The following STK3 variants were observed in gnomAD, a reference collection of about 807,000 sequenced individuals.
The protein encoded by STK3 is serine/threonine-protein kinase 3.
A neutral mutation model predicts 58.0 loss-of-function variants in STK3; 41 were observed. The ratio of observed to expected loss-of-function variants is 0.71; its 90% confidence interval spans 0.55 to 0.92. STK3 has a LOEUF of 0.92. Ranked by LOEUF, STK3 falls within the 40% of genes least tolerant of loss-of-function variation. The pLI is 0.00. For synonymous variants in STK3, 170 were observed against 191.0 expected (o/e 0.89, Z 0.91); for missense variants, 479 against 602.7 (o/e 0.79, Z 2.15).
At chr8:98,733,603 T>C (rs2131261029) in intron 4 of STK3, among the ~76,000 whole-genome samples, 1 of 152,344 alleles carries the variant, frequency 6.6e-6, no homozygotes, top group East Asian at 1.9e-4. Context: ...CGAGGACCAC[T>C]GTGCTAACGG....
chr8:98,634,280 A>G (rs1819470859), intron 6 of STK3, among the ~76,000 whole-genome samples: 1 of 152,182 alleles, frequency 6.6e-6, no homozygotes, highest in African/African-American at 2.4e-5. Flanking sequence ...TGAGTCCAGG[A>G]GTTTGAGAAC....
At chr8:98,615,197 G>T (rs1817590640) in intron 6 of STK3, among the ~76,000 whole-genome samples, 1 of 151,622 alleles carries the variant, frequency 6.6e-6, no homozygotes, top group African/African-American at 2.4e-5. Context: ...CCTAGCAGGG[G>T]CACACTGACA....
At chr8:98,893,597 A>T (rs2131933886) in intron 1 of STK3, among the ~76,000 whole-genome samples, 1 of 152,054 alleles carries the variant, frequency 6.6e-6, no homozygotes, top group Non-Finnish European at 1.5e-5. Flanking sequence ...AAAGAAGGAA[A>T]GGAAAGGAAA....
chr8:98,516,913 T>C (rs1177861913), intron 10 of STK3, among the ~76,000 whole-genome samples: 1 of 152,026 alleles, frequency 6.6e-6, no homozygotes, highest in African/African-American at 2.4e-5. Context: ...CAAATTAAGA[T>C]AGAGAGTTAA....
chr8:98,768,340 T>C (rs1024452516), intron 2 of STK3, among the ~76,000 whole-genome samples: 2 of 152,192 alleles, frequency 1.3e-5, no homozygotes, highest in Non-Finnish European at 2.9e-5. Context: ...AGCAAGCCAA[T>C]GGAAAACATC....
chr8:98,434,531 C>G lies in STK3; in HGVS notation n.292-213G>C, dbSNP rs76612371. Among the ~76,000 whole-genome samples, 840 of 152,336 alleles carry G rather than the reference C, an allele frequency of 5.5e-3. 10 individuals are homozygous for G. Among genetic ancestry groups the G allele is most frequent in the Non-Finnish European group, 6.8e-3 (462 of 68,034 alleles). On this transcript the variant is annotated intron_variant and non_coding_transcript_variant, in intron 2 of 3. Transcript: ENST00000517832. ...GTTACATCCGGTCAATGGTGCAGGT[C>G]TGAAACTCTGCAACATTTTCCTCCT...
chr8:98,705,631 T>C (rs1825912084), intron 6 of STK3, among the ~76,000 whole-genome samples: 1 of 152,140 alleles, frequency 6.6e-6, no homozygotes, highest in African/African-American at 2.4e-5. Context: ...TTCACATTCC[T>C]CCAGCCACCA....
intron 6 of STK3, among the ~76,000 whole-genome samples, chr8:98,617,395 T>G (rs1405843617): frequency 7.4e-6 from 1 of 134,664 alleles, no homozygotes; most frequent in Non-Finnish European, 1.6e-5. Context: ...ACATCACAAT[T>G]AAAAGAACTA....
intron 4 of STK3, among the ~76,000 whole-genome samples, chr8:98,725,469 C>T (rs1330716043): frequency 6.6e-6 from 1 of 152,078 alleles, no homozygotes; most frequent in Non-Finnish European, 1.5e-5. Flanking sequence ...TAAAAGTACA[C>T]TCTAGTTAAA....
intron 9 of STK3, among the ~76,000 whole-genome samples, chr8:98,538,322 CATACTGT>C (rs1217164339): frequency 3.9e-5 from 6 of 152,066 alleles, no homozygotes; most frequent in African/African-American, 1.4e-4. Context: ...TGAACTTCAC[CATACTGT>C]ATTTTAAAAC....
intron 10 of STK3, among the ~76,000 whole-genome samples, chr8:98,514,519 C>T (rs571575319): frequency 6.6e-6 from 1 of 151,532 alleles, no homozygotes; most frequent in African/African-American, 2.4e-5. Context: ...TGATACCTGC[C>T]CCCACACTCC....
chr8:98,741,327 T>C (rs887217854), intron 4 of STK3, among the ~76,000 whole-genome samples: 23 of 152,252 alleles, frequency 1.5e-4, no homozygotes, highest in East Asian at 7.7e-4. Context: ...TGTTCCAAAA[T>C]TGACCACATA....
chr8:98,874,481 G>A (rs1377098130), intron 3 of STK3, among the ~76,000 whole-genome samples: 2 of 152,056 alleles, frequency 1.3e-5, no homozygotes, highest in African/African-American at 2.4e-5. Context: ...ATTTGTTACG[G>A]CAGCCACAGG....
intron 3 of STK3, among the ~76,000 whole-genome samples, chr8:98,864,656 A>G (rs1837065645): frequency 6.6e-6 from 1 of 152,216 alleles, no homozygotes; most frequent in African/African-American, 2.4e-5. Flanking sequence ...AGAAATGTAC[A>G]TCACAGGCAA....
intron 6 of STK3, among the ~76,000 whole-genome samples, chr8:98,605,239 T>C (rs1479696466): frequency 2.0e-5 from 3 of 152,084 alleles, no homozygotes; most frequent in African/African-American, 7.2e-5. Context: ...CCCTACTCCT[T>C]GGCACTGATT....
chr8:98,768,848 T>C (rs1156495246), intron 2 of STK3, among the ~76,000 whole-genome samples: 2 of 152,250 alleles, frequency 1.3e-5, no homozygotes, highest in Non-Finnish European at 2.9e-5. Context: ...GACTGACAGA[T>C]ATGAAGTGCA....
intron 4 of STK3, among the ~76,000 whole-genome samples, chr8:98,715,317 G>A (rs376746445): frequency 2.4e-4 from 37 of 151,782 alleles, no homozygotes; most frequent in East Asian, 1.9e-3. Context: ...CTGCACAGCA[G>A]AAGAAACTAC....
chr8:98,708,396 G>A (rs556968413), intron 4 of STK3, among the ~76,000 whole-genome samples: 7 of 152,210 alleles, frequency 4.6e-5, no homozygotes, highest in South Asian at 4.1e-4. Context: ...AATCTTCTGC[G>A]AGAAGCTCCT....
intron 1 of STK3, among the ~76,000 whole-genome samples, chr8:98,903,874 A>G (rs1027375380): frequency 2.0e-5 from 3 of 152,184 alleles, no homozygotes; most frequent in Non-Finnish European, 4.4e-5. Context: ...CTGATACCTG[A>G]TATCTTCCTA....
Sources: allele counts gnomAD v4.1 joint callset (sites outside exome capture counted in the v4.1 genomes callset), GRCh38; gene constraint gnomAD v4.1.1; transcripts MANE v1.5; gene names NCBI Gene and HGNC (gene_info 2026-07-23, HGNC 2026-07-21).